The following ART3 variants were observed in gnomAD, a reference collection of about 807,000 sequenced individuals.
The protein encoded by ART3 is ecto-ADP-ribosyltransferase 3.
ART3 carries 49 observed loss-of-function variants against 48.5 expected under a neutral mutation model. The observed-to-expected ratio is 1.01, with a 90% confidence interval of 0.80 to 1.28. The LOEUF (loss-of-function observed/expected upper bound fraction) is 1.28, where lower values mean the gene tolerates loss of function less well. ART3 is among the 50% of genes most tolerant of loss of function. ART3 has a pLI of 0.00. For missense variants in ART3, 438 were observed against 454.3 expected (o/e 0.96, Z 0.33); for synonymous variants, 145 against 157.2 (o/e 0.92, Z 0.58).
At chr4:76,081,037 G>A (rs935422720) in intron 2 of ART3, among the ~76,000 whole-genome samples, 1 of 152,198 alleles carries the variant, frequency 6.6e-6, no homozygotes, top group East Asian at 1.9e-4. Context: ...CTGAAATACA[G>A]TTCAAACTAG....
At chr4:76,052,532 G>A (rs1016700616) in intron 1 of ART3, among the ~76,000 whole-genome samples, 2 of 151,916 alleles carry the variant, frequency 1.3e-5, no homozygotes, top group Admixed American at 6.6e-5. Context: ...TGAAATTAGG[G>A]CTTTTAGTGT....
intron 1 of ART3, among the ~76,000 whole-genome samples, chr4:76,015,788 C>T (rs1231608217): frequency 6.6e-6 from 1 of 152,098 alleles, no homozygotes; most frequent in African/African-American, 2.4e-5. Context: ...GCCACCATGC[C>T]CAGCTAATTT....
intron 9 of ART3, 62 bp from the exon 10 acceptor site, chr4:76,104,535 A>G: frequency 6.4e-7 from 1 of 1,550,822 alleles, no homozygotes; most frequent in Non-Finnish European, 8.7e-7. Flanking sequence ...AGCAGACAAG[A>G]GTTTGAAAAT....
chr4:76,079,219 A>G (rs1578450271), intron 2 of ART3, among the ~76,000 whole-genome samples: 3 of 150,312 alleles, frequency 2.0e-5, no homozygotes. Flanking sequence ...AATAGTACCT[A>G]CCTCACAAGG....
At chr4:76,082,794 G>C (rs1475631691) in intron 3 of ART3, among the ~76,000 whole-genome samples, 1 of 152,098 alleles carries the variant, frequency 6.6e-6, no homozygotes, top group Non-Finnish European at 1.5e-5. Flanking sequence ...AGGGTCATTT[G>C]GCAATGGTCA....
In ART3 at chr4:76,029,083, T is replaced by C. The variant is rs1369737251; in HGVS notation, c.-10+17763T>C. 2.6e-5 allele frequency among the ~76,000 whole-genome samples: 4 copies of C among 152,218 alleles called. No homozygotes were observed. In the East Asian group the frequency reaches 7.7e-4, roughly 29 times the overall value. ...AAATTAGAATTTTGTGATACTTTGT[T>C]CCATTTTTAATCAAAATCTTTAGAA... On this transcript the variant is annotated intron_variant, in intron 1 of 9. Transcript: ENST00000341029.
At chr4:76,035,231 T>C in intron 1 of ART3, 1 of 1,614,154 alleles carries the variant, frequency 6.2e-7, no homozygotes, top group Admixed American at 1.7e-5. Context: ...TTCTATTTTG[T>C]CACAGTTGTT....
At chr4:76,064,887 G>A (rs5005114) in intron 1 of ART3, among the ~76,000 whole-genome samples, 92,089 of 150,734 alleles carry the variant, frequency 0.61, 29,150 homozygotes, top group East Asian at 0.94. Context: ...GCTGGAGTGC[G>A]GTGGCAAGAT....
chr4:76,053,296 AT>A (rs2149462197), intron 1 of ART3, among the ~76,000 whole-genome samples: 1 of 152,318 alleles, frequency 6.6e-6, no homozygotes, highest in African/African-American at 2.4e-5. Flanking sequence ...CATTTAAGCT[AT>A]ACCTGATTTA....
intron 10 of ART3, 100 bp from the exon 11 acceptor site, chr4:76,107,661 T>C: frequency 1.3e-6 from 1 of 777,414 alleles, no homozygotes; most frequent in South Asian, 1.7e-5. Context: ...TCAGACCCAC[T>C]CACAGAGATA....
At chr4:76,050,680 G>A (rs1052407635) in intron 1 of ART3, among the ~76,000 whole-genome samples, 48 of 152,184 alleles carry the variant, frequency 3.2e-4, no homozygotes, top group Non-Finnish European at 3.8e-4. Context: ...TTGGGTGGTC[G>A]ATGGGACTGG....
At chr4:76,021,083 A>G (rs976556067) in intron 1 of ART3, 1 of 152,228 alleles carries the variant, frequency 6.6e-6, no homozygotes, top group Admixed American at 6.5e-5. Flanking sequence ...TATGAAATAA[A>G]TATCCCAACC....
At chr4:76,103,435 A>G (rs1727775825) in intron 8 of ART3, among the ~76,000 whole-genome samples, 1 of 152,124 alleles carries the variant, frequency 6.6e-6, no homozygotes, top group African/African-American at 2.4e-5. Flanking sequence ...AAGGGACTTC[A>G]TTTATTGAGT....
chr4:76,021,745 C>A, intron 1 of ART3: 1 of 663,176 alleles, frequency 1.5e-6, no homozygotes, highest in Non-Finnish European at 2.8e-6. Context: ...GGATGATGAA[C>A]ATTAACCTTC....
rs1733048960 is a variant in ART3 at position 76,023,242 on chromosome 4, CTA to C, written c.-10+11924_-10+11925del. 8 of 701,750 alleles carry C rather than the reference CTA, an allele frequency of 1.1e-5. No homozygotes were observed. The South Asian group carries it at 1.2e-4, about 11-fold the overall frequency. 43.5% of individuals were successfully genotyped at this position (701,750 alleles called of 1,614,324 possible). Reference sequence around the variant, plus strand: ...TAAGTTTTATGATCTGAGGGAATCTCTATTTATTTCCCTCTTATTTATAAGCA... The same window carrying C: ...TAAGTTTTATGATCTGAGGGAATCTCTTTATTTCCCTCTTATTTATAAGCA... On this transcript the variant is annotated intron_variant, in intron 1 of 9. Coordinates refer to the ART3 transcript ENST00000341029.
chr4:76,101,086 A>T, intron 8 of ART3, 67 bp downstream of exon 8: 1 of 1,580,238 alleles, frequency 6.3e-7, no homozygotes, highest in Non-Finnish European at 8.6e-7. Context: ...ATGTGGGAAC[A>T]GGGAAGAATG....
At chr4:76,042,847 C>T (rs1578289785) in intron 1 of ART3, among the ~76,000 whole-genome samples, 1 of 152,220 alleles carries the variant, frequency 6.6e-6, no homozygotes, top group East Asian at 1.9e-4. Context: ...CGGGTTGCCA[C>T]TGCTGGCTCG....
At chr4:76,097,733 T>G (rs1726333953) in intron 4 of ART3, 57 bp downstream of exon 4, 2 of 1,410,306 alleles carry the variant, frequency 1.4e-6, no homozygotes, top group East Asian at 4.6e-5. Context: ...TTACTTCTCA[T>G]AGCTATGGGT....
intron 3 of ART3, among the ~76,000 whole-genome samples, chr4:76,090,731 T>A (rs72869121): frequency 2.5e-4 from 38 of 152,064 alleles, no homozygotes; most frequent in Non-Finnish European, 3.1e-4. Flanking sequence ...GAAAAAAAAA[T>A]TTAATAGCTT....
Sources: gnomAD v4.1 joint callset for allele counts (sites outside exome capture counted in the v4.1 genomes callset) on GRCh38, gnomAD v4.1.1 for gene constraint, MANE v1.5 for transcripts, NCBI Gene and HGNC (gene_info 2026-07-23, HGNC 2026-07-21) for gene names.